Variants in PRAMEF15 observed in about 807,000 individuals in gnomAD.
The protein encoded by PRAMEF15 is PRAME family member 15.
PRAMEF15 carries 21 observed loss-of-function variants against 35.3 expected under a neutral mutation model. That is an observed-to-expected ratio of 0.59 (90% CI 0.42 to 0.86). The LOEUF (loss-of-function observed/expected upper bound fraction) is 0.86. PRAMEF15 is among the 40% of genes least tolerant of loss of function. The pLI is 0.00. For synonymous variants in PRAMEF15, 122 were observed against 223.3 expected (o/e 0.55, Z 4.05); for missense variants, 360 against 574.1 (o/e 0.63, Z 3.81).
chr1:13,316,002 GT>G (rs1309240475), intron 1 of PRAMEF15, among the ~76,000 whole-genome samples: 1 of 148,076 alleles, frequency 6.8e-6, no homozygotes, highest in Non-Finnish European at 1.5e-5. Context: ...TCTGCACAAC[GT>G]TTTTTTTGGG....
At position 13,321,553 on chromosome 1, in the gene PRAMEF15, C is replaced by A. The variant is rs1163220499; in HGVS notation, c.876-150C>A. The A allele has an allele frequency of 6.1e-4, 869 of 1,422,714 alleles. 9 individuals carry two copies. Among genetic ancestry groups the A allele is most frequent in the African/African-American group, 5.5e-3 (393 of 71,130 alleles). 88.1% of individuals were successfully genotyped at this position (1,422,714 alleles called of 1,614,324 possible). Reference sequence around the variant, plus strand: ...ACCTCAGTGGCAAAGCTCTTCATCACGCATCATCCTAAGTGTTGACCATCA... The same window carrying A: ...ACCTCAGTGGCAAAGCTCTTCATCAAGCATCATCCTAAGTGTTGACCATCA... On this transcript the variant is annotated intron_variant, in intron 3 of 3. Coordinates refer to ENST00000376152, the MANE Select transcript of PRAMEF15 (RefSeq NM_001098376.3).
chr1:13,322,419 C>G lies in PRAMEF15; in HGVS notation c.*155C>G. ...AAAGGAAAGCTGATCAAGCAGGGGC[C>G]GGACTTGGGGGAAATGTTGCCATGG... is the stretch of plus-strand genomic sequence containing the variant. On this transcript the variant is annotated 3_prime_UTR_variant, in exon 4 of 4. Coordinates refer to ENST00000376152, the MANE Select transcript of PRAMEF15 (RefSeq NM_001098376.3). 1.4e-6 allele frequency: 1 copy of G among 695,580 alleles called. No homozygotes were observed. Among genetic ancestry groups the G allele is most frequent in the Non-Finnish European group, 2.4e-6 (1 of 421,214 alleles). 43.1% of individuals were successfully genotyped at this position (695,580 alleles called of 1,614,324 possible). A position where few individuals can be genotyped will look rare whatever the true frequency, so the allele number is the denominator to read the frequency against.
intron 3 of PRAMEF15, among the ~76,000 whole-genome samples, chr1:13,320,742 A>C (rs1488394616): frequency 2.6e-5 from 4 of 152,028 alleles, no homozygotes; most frequent in Admixed American, 6.6e-5. Flanking sequence ...AATTTTTAAG[A>C]AGATGATGGG....
At position 13,319,493 on chromosome 1, in the gene PRAMEF15, G is replaced by T; in HGVS notation, c.415G>T (p.Asp139Tyr). ...CAAGAGGAACAAAAAACCAGTGCAG[G>T]ACTGTCCAAGGATGAGAGGACGGCA... ...NAKRNKKPVQ[D>Y]CPRMRGRQPL... Residue 139 changes from aspartate to tyrosine, a missense_variant, in exon 3 of 4, where the codon GAC (aspartate) becomes TAC (tyrosine). Asp to Tyr is a radical substitution (Grantham distance 160). Around this residue, in one of 8 missense-constraint regions of PRAMEF15, gnomAD observed 18 missense variants for 42.9 expected, o/e 0.42. Transcript: ENST00000376152. The T allele has an allele frequency of 6.2e-7, 1 of 1,613,878 alleles. No homozygotes were observed. The highest frequency in any genetic ancestry group is 8.5e-7 in the Non-Finnish European group (1 of 1,179,862).
At chr1:13,316,453 A>G (rs1346727845) in intron 1 of PRAMEF15, among the ~76,000 whole-genome samples, 15 of 151,726 alleles carry the variant, frequency 9.9e-5, no homozygotes, top group Middle Eastern at 3.4e-3. Flanking sequence ...TCAATCAAAA[A>G]GGATCTTTGA....
In PRAMEF15 at chr1:13,317,208, T is replaced by G. The variant is rs1161203072; in HGVS notation, c.-16-1184T>G. ...CCTCAGCCTCCCTAGTAGCTTGGAC[T>G]ACAGGCGCAGACCACTGCACCTGGC... is the stretch of plus-strand genomic sequence containing the variant. On this transcript the variant is annotated intron_variant, in intron 1 of 3. Transcript: ENST00000376152. 2.0e-5 allele frequency among the ~76,000 whole-genome samples: 3 copies of G among 151,648 alleles called. 1 individual carries two copies. Among genetic ancestry groups the G allele is most frequent in the Non-Finnish European group, 4.4e-5 (3 of 67,956 alleles).
intron 1 of PRAMEF15, 144 bp from the exon 2 acceptor site, chr1:13,318,248 G>T: frequency 7.1e-7 from 1 of 1,411,092 alleles, no homozygotes; most frequent in Non-Finnish European, 9.7e-7. Context: ...CTGGCTTAAT[G>T]GCCACTGAGT....
Position 13,318,413 on chromosome 1 carries a change from G to A in PRAMEF15, c.6G>A (p.Lys2=). The change falls in exon 2 of 4, where the codon AAG becomes AAA. Residue 2 remains lysine (K), a synonymous_variant. Transcript: ENST00000376152. Reference sequence around the variant, plus strand: ...GAAGTTTTCCCTGCAGATTCATGAAGATGAGCATCCGGACTCCACCCAGAC... The same window carrying A: ...GAAGTTTTCCCTGCAGATTCATGAAAATGAGCATCCGGACTCCACCCAGAC... M[K]MSIRTPPRLL... 7.4e-6 allele frequency: 12 copies of A among 1,612,642 alleles called. No homozygotes were observed. Among genetic ancestry groups the A allele is most frequent in the Non-Finnish European group, 1.0e-5 (12 of 1,179,912 alleles).
intron 3 of PRAMEF15, among the ~76,000 whole-genome samples, chr1:13,320,681 C>T (rs1167623111): frequency 1.3e-5 from 2 of 152,030 alleles, no homozygotes; most frequent in East Asian, 1.9e-4. Flanking sequence ...ACCATGGACT[C>T]CCAAAGTGCT....
chr1:13,318,331 A>G (rs1640033092), intron 1 of PRAMEF15, 61 bp from the exon 2 acceptor site: 3 of 1,582,744 alleles, frequency 1.9e-6, no homozygotes, highest in South Asian at 1.1e-5. Context: ...ATAGGAGAAG[A>G]TGAGATTGCA....
chr1:13,321,769 G>T lies in PRAMEF15; in HGVS notation c.942G>T (p.Lys314Asn). The change falls in exon 4 of 4, where the codon AAG (lysine) becomes AAT (asparagine). Residue 314 changes from lysine to asparagine, a missense_variant. Physicochemically the swap from Lys to Asn is moderately conservative, Grantham distance 94. Coordinates refer to ENST00000376152, the MANE Select transcript of PRAMEF15 (RefSeq NM_001098376.3). ...TNCVLLESDL[K>N]HLSQCPSISQ... ...GTGTGCTTTTGGAATCAGACTTGAA[G>T]CATCTATCCCAGTGCCCGAGTATCA... 6.2e-7 allele frequency: 1 copy of T among 1,609,308 alleles called. No homozygotes were observed. Among genetic ancestry groups the T allele is most frequent in the Admixed American group, 1.7e-5 (1 of 59,784 alleles).
intron 2 of PRAMEF15, 95 bp from the exon 3 acceptor site, chr1:13,319,277 A>G: frequency 1.3e-6 from 2 of 1,580,300 alleles, no homozygotes; most frequent in Non-Finnish European, 1.7e-6. Context: ...GAGAGGGACA[A>G]CAAGCAGGGA....
chr1:13,321,109 G>T (rs1640078246), intron 3 of PRAMEF15, among the ~76,000 whole-genome samples: 1 of 151,890 alleles, frequency 6.6e-6, no homozygotes, highest in Non-Finnish European at 1.5e-5. Context: ...CAGGGATGTG[G>T]TTTTCTGCCT....
Position 13,319,931 on chromosome 1 carries a change from G to A in PRAMEF15, c.853G>A (p.Gly285Ser). 2 of 1,610,922 alleles carry A rather than the reference G, an allele frequency of 1.2e-6. No individual in the cohort carries two copies. Among genetic ancestry groups the A allele is most frequent in the South Asian group, 2.2e-5 (2 of 91,042 alleles). ...LYMNSVSFLE[G>S]HLDQLLSCLK... ...TATGAACTCTGTTTCTTTCCTCGAAGGCCACCTGGACCAGCTGCTCAGGTG... is the reference window on the plus strand; with the variant it reads ...TATGAACTCTGTTTCTTTCCTCGAAAGCCACCTGGACCAGCTGCTCAGGTG... Residue 285 changes from glycine to serine, a missense_variant, in exon 3 of 4, where the codon GGC becomes AGC. Coordinates refer to ENST00000376152, the MANE Select transcript of PRAMEF15 (RefSeq NM_001098376.3).
intron 3 of PRAMEF15, among the ~76,000 whole-genome samples, chr1:13,320,480 G>A (rs1472484282): frequency 1.3e-5 from 2 of 152,082 alleles, no homozygotes; most frequent in African/African-American, 4.8e-5. Context: ...CTACAGTGCA[G>A]TTGTGACATC....
chr1:13,317,790 GGA>G (rs1302918769), intron 1 of PRAMEF15, among the ~76,000 whole-genome samples: 5 of 148,296 alleles, frequency 3.4e-5, no homozygotes, highest in South Asian at 2.2e-4. Context: ...AGTGAGAGAG[GGA>G]GAGAGAGAAA....
At position 13,318,434 on chromosome 1, in the gene PRAMEF15, C is replaced by T; in HGVS notation, c.27C>T (p.Pro9=). Residue 9 remains proline (P), a synonymous_variant, in exon 2 of 4, where the codon CCC becomes CCT. Transcript: ENST00000376152. MKMSIRTP[P]RLLELAGRSL... Reference sequence around the variant, plus strand: ...TGAAGATGAGCATCCGGACTCCACCCAGACTCCTGGAGCTTGCAGGGCGGA... The same window carrying T: ...TGAAGATGAGCATCCGGACTCCACCTAGACTCCTGGAGCTTGCAGGGCGGA... 15 of 1,613,560 alleles carry T rather than the reference C, an allele frequency of 9.3e-6. No individual in the cohort carries two copies. The South Asian group carries it at 1.3e-4, about 14-fold the overall frequency.
intron 3 of PRAMEF15, among the ~76,000 whole-genome samples, chr1:13,320,733 A>G (rs1209262326): frequency 6.6e-6 from 1 of 152,100 alleles, no homozygotes; most frequent in Non-Finnish European, 1.5e-5. Context: ...CAACAAGATA[A>G]TTTTTAAGAA....
chr1:13,321,361 C>T (rs1337596181), intron 3 of PRAMEF15, among the ~76,000 whole-genome samples: 5 of 151,142 alleles, frequency 3.3e-5, no homozygotes, highest in African/African-American at 1.2e-4. Context: ...ATTGCAGGCT[C>T]CCGCCACCAC....
Sources: gnomAD v4.1 joint callset for allele counts (sites outside exome capture counted in the v4.1 genomes callset) on GRCh38, gnomAD v4.1.1 for gene constraint, gnomAD v4.1.1 regional missense constraint, MANE v1.5 for transcripts, NCBI Gene and HGNC (gene_info 2026-07-23, HGNC 2026-07-21) for gene names.